The following CDKAL1 variants were observed in gnomAD, a reference collection of about 807,000 sequenced individuals.
CDKAL1 encodes CDKAL1 threonylcarbamoyladenosine tRNA methylthiotransferase, also known as threonylcarbamoyladenosine tRNA methylthiotransferase.
In CDKAL1, 32 loss-of-function variants were observed where a neutral mutation model predicts 68.2. The ratio of observed to expected loss-of-function variants is 0.47; its 90% confidence interval spans 0.35 to 0.63. The LOEUF is 0.63. Among genes scored for constraint, CDKAL1 ranks in the 30% least tolerant of loss-of-function variants. The probability of loss-of-function intolerance (pLI) is 0.00; values close to 1 mark genes in which losing one functional copy is unlikely to be tolerated. For synonymous variants in CDKAL1, 234 were observed against 244.3 expected (o/e 0.96, Z 0.39); for missense variants, 606 against 696.7 (o/e 0.87, Z 1.47).
At chr6:20,920,993 CTCTTTAG>C (rs1762930249) in intron 9 of CDKAL1, among the ~76,000 whole-genome samples, 2 of 854 alleles carry the variant, frequency 2.3e-3, no homozygotes, top group Non-Finnish European at 4.6e-3. Flanking sequence ...TGAAAGTTTT[CTCTTTAG>C]ATTTTTATAT....
At chr6:20,981,684 A>G (rs1390299036) in intron 10 of CDKAL1, among the ~76,000 whole-genome samples, 1 of 152,198 alleles carries the variant, frequency 6.6e-6, no homozygotes, top group East Asian at 1.9e-4. Flanking sequence ...TACTAAAAAT[A>G]CGAAGAATTA....
At chr6:20,860,791 T>A (rs1759573639) in intron 9 of CDKAL1, among the ~76,000 whole-genome samples, 1 of 151,590 alleles carries the variant, frequency 6.6e-6, no homozygotes, top group Admixed American at 6.6e-5. Flanking sequence ...ACCACTGCAC[T>A]CCAGCCTGGC....
chr6:20,661,020 G>A (rs1318558412), intron 5 of CDKAL1, among the ~76,000 whole-genome samples: 3 of 152,078 alleles, frequency 2.0e-5, no homozygotes, highest in Admixed American at 6.6e-5. Flanking sequence ...TGTTGGAAAG[G>A]TTGACTTGAT....
intron 5 of CDKAL1, among the ~76,000 whole-genome samples, chr6:20,711,225 A>G (rs1355048538): frequency 2.6e-5 from 4 of 152,220 alleles, no homozygotes; most frequent in African/African-American, 9.6e-5. Flanking sequence ...TGAAATATAC[A>G]TGTTAATTCA....
At chr6:20,730,043 G>T (rs1772837570) in intron 5 of CDKAL1, among the ~76,000 whole-genome samples, 1 of 152,162 alleles carries the variant, frequency 6.6e-6, no homozygotes, top group Non-Finnish European at 1.5e-5. Flanking sequence ...ACATTGGCCT[G>T]GCACAGTGGC....
At chr6:21,197,910 A>G (rs1341194776) in intron 13 of CDKAL1, 111 bp from the exon 14 acceptor site, 8 of 551,978 alleles carry the variant, frequency 1.4e-5, no homozygotes, top group Non-Finnish European at 2.2e-5. Flanking sequence ...CTTTAAATTC[A>G]AGAAGACGCT....
chr6:20,644,150 T>A (rs63662761), intron 4 of CDKAL1, among the ~76,000 whole-genome samples: 25 of 137,152 alleles, frequency 1.8e-4, no homozygotes, highest in Admixed American at 1.5e-3. Flanking sequence ...TTTTTTTTTT[T>A]AATTTATTTT....
chr6:21,029,949 T>C (rs557091504), intron 11 of CDKAL1, among the ~76,000 whole-genome samples: 1,639 of 152,146 alleles, frequency 0.011, 13 homozygotes, highest in Middle Eastern at 0.02. Flanking sequence ...GAATCTTGGA[T>C]CTTTGACCCA....
intron 4 of CDKAL1, among the ~76,000 whole-genome samples, chr6:20,610,595 G>A (rs940927571): frequency 6.6e-6 from 1 of 151,688 alleles, no homozygotes; most frequent in Non-Finnish European, 1.5e-5. Context: ...ACTTACCATA[G>A]GACCAATAAC....
chr6:21,114,707 C>T (rs1047209119), intron 13 of CDKAL1, among the ~76,000 whole-genome samples: 4 of 151,976 alleles, frequency 2.6e-5, no homozygotes, highest in African/African-American at 9.7e-5. Context: ...CCACTGCACT[C>T]TAGCCTCAAT....
At chr6:20,631,355 G>T (rs1767666832) in intron 4 of CDKAL1, among the ~76,000 whole-genome samples, 1 of 152,092 alleles carries the variant, frequency 6.6e-6, no homozygotes, top group African/African-American at 2.4e-5. Flanking sequence ...ACTGGTTAGG[G>T]ATCTCAAAGT....
chr6:21,024,851 G>A (rs1768875350), intron 11 of CDKAL1, among the ~76,000 whole-genome samples: 1 of 152,068 alleles, frequency 6.6e-6, no homozygotes, highest in Non-Finnish European at 1.5e-5. Flanking sequence ...CCAGATCACA[G>A]TTCAAAAAAA....
intron 13 of CDKAL1, among the ~76,000 whole-genome samples, chr6:21,125,662 A>G (rs929351974): frequency 6.6e-6 from 1 of 152,192 alleles, no homozygotes; most frequent in African/African-American, 2.4e-5. Flanking sequence ...CTGGGCAACA[A>G]GAGTGAAACT....
At position 20,748,063 on chromosome 6, in the gene CDKAL1, C is replaced by T. The variant is rs189517357; in HGVS notation, c.468+8448C>T. 2.3e-3 allele frequency among the ~76,000 whole-genome samples: 349 copies of T among 152,208 alleles called. 2 individuals carry two copies. Among genetic ancestry groups the T allele is most frequent in the Admixed American group, 6.0e-3 (92 of 15,286 alleles). On this transcript the variant is annotated intron_variant, in intron 6 of 15. Transcript: ENST00000274695. ...ATTCAATGCAGTTTCTATCAAAATT[C>T]CAATGACATTGTTTGCAAATATAGA...
At chr6:21,037,279 T>C (rs986652760) in intron 11 of CDKAL1, among the ~76,000 whole-genome samples, 1 of 152,258 alleles carries the variant, frequency 6.6e-6, no homozygotes, top group Admixed American at 6.5e-5. Flanking sequence ...GGGGAATATG[T>C]GATAAGATGT....
At chr6:20,723,572 C>T (rs907470267) in intron 5 of CDKAL1, 2 of 198,040 alleles carry the variant, frequency 1.0e-5, no homozygotes, top group Non-Finnish European at 2.2e-5. Context: ...ATTACTTGCT[C>T]TTCTTGCACT....
chr6:20,799,447 C>T (rs1007542666), intron 8 of CDKAL1, among the ~76,000 whole-genome samples: 3 of 151,222 alleles, frequency 2.0e-5, no homozygotes, highest in South Asian at 2.1e-4. Flanking sequence ...GGGTAATATG[C>T]GACGATTAAT....
chr6:21,126,291 T>A (rs952535646), intron 13 of CDKAL1, among the ~76,000 whole-genome samples: 1 of 152,232 alleles, frequency 6.6e-6, no homozygotes, highest in Non-Finnish European at 1.5e-5. Context: ...AAGCTCCTTA[T>A]AATGGAGCGA....
intron 12 of CDKAL1, among the ~76,000 whole-genome samples, chr6:21,072,587 T>G (rs1771846014): frequency 7.4e-6 from 1 of 134,876 alleles, no homozygotes; most frequent in African/African-American, 2.9e-5. Context: ...AAAAGCCTGT[T>G]TTTGTCTTGT....
Sources: allele counts gnomAD v4.1 joint callset (sites outside exome capture counted in the v4.1 genomes callset), GRCh38; gene constraint gnomAD v4.1.1; transcripts MANE v1.5; gene names NCBI Gene and HGNC (gene_info 2026-07-23, HGNC 2026-07-21).